Variants in FSHR observed in about 807,000 individuals in gnomAD.
FSHR encodes the protein follicle-stimulating hormone receptor.
In FSHR, 46 loss-of-function variants were observed where a neutral mutation model predicts 52.1. That is an observed-to-expected ratio of 0.88 (90% CI 0.70 to 1.13). FSHR has a LOEUF of 1.13. FSHR is among the 50% of genes most tolerant of loss of function. The probability of loss-of-function intolerance (pLI) is 0.00; values close to 1 mark genes in which losing one functional copy is unlikely to be tolerated. For missense variants in FSHR, 964 were observed against 834.6 expected (o/e 1.16, Z -1.91); for synonymous variants, 399 against 309.6 (o/e 1.29, Z -3.03).
At chr2:49,055,372 C>T (rs1273673776) in intron 2 of FSHR, among the ~76,000 whole-genome samples, 1 of 150,592 alleles carries the variant, frequency 6.6e-6, no homozygotes, top group Non-Finnish European at 1.5e-5. Flanking sequence ...AGAAAGTCTA[C>T]AAAATTTATG....
chr2:49,151,637 C>A (rs980542624), intron 1 of FSHR, among the ~76,000 whole-genome samples: 1 of 152,102 alleles, frequency 6.6e-6, no homozygotes, highest in Non-Finnish European at 1.5e-5. Flanking sequence ...AACAATGAAG[C>A]TTTGACATGT....
At chr2:48,968,907 A>C (rs747683647) in intron 8 of FSHR, 24 bp from the exon 9 acceptor site, 1 of 1,606,836 alleles carries the variant, frequency 6.2e-7, no homozygotes, top group Non-Finnish European at 8.5e-7. Flanking sequence ...AGGTAAATAT[A>C]ACAGGATTAC....
intron 2 of FSHR, among the ~76,000 whole-genome samples, chr2:49,057,150 CA>C (rs1360847843): frequency 6.6e-6 from 1 of 151,612 alleles, no homozygotes; most frequent in African/African-American, 2.4e-5. Flanking sequence ...TAGTAGAAGA[CA>C]AAAATAATAA....
At chr2:49,084,333 C>T (rs201861623) in intron 1 of FSHR, among the ~76,000 whole-genome samples, 44,985 of 151,362 alleles carry the variant, frequency 0.3, 6,985 homozygotes, top group East Asian at 0.5. Flanking sequence ...ATCTCTGGGA[C>T]GCATTCAAAG....
chr2:49,142,178 A>G (rs928130143), intron 1 of FSHR, among the ~76,000 whole-genome samples: 6 of 152,220 alleles, frequency 3.9e-5, no homozygotes, highest in African/African-American at 7.2e-5. Flanking sequence ...AATCTTTGCC[A>G]TCATTCAACT....
chr2:49,008,996 T>A (rs1667171138), intron 4 of FSHR, among the ~76,000 whole-genome samples: 1 of 151,562 alleles, frequency 6.6e-6, no homozygotes, highest in South Asian at 2.1e-4. Flanking sequence ...CCTCTGATGG[T>A]AGTTTCTTTT....
In FSHR at chr2:49,108,988, A is replaced by G. The variant is rs187882411; in HGVS notation, c.153-40698T>C. Among the ~76,000 whole-genome samples, 314 of 152,304 alleles carry G rather than the reference A, an allele frequency of 2.1e-3. 1 individual carries two copies. Among genetic ancestry groups the G allele is most frequent in the African/African-American group, 7.0e-3 (292 of 41,582 alleles). On this transcript the variant is annotated intron_variant, in intron 1 of 9. Coordinates refer to ENST00000406846, the MANE Select transcript of FSHR (RefSeq NM_000145.4). ...TAGTTCAGAAAAGCAGATGGCATTA[A>G]GCACGCCTGCTGGGCTTAAAATGTC... is the stretch of plus-strand genomic sequence containing the variant.
At chr2:49,096,947 T>A (rs1210071346) in intron 1 of FSHR, among the ~76,000 whole-genome samples, 1 of 152,144 alleles carries the variant, frequency 6.6e-6, no homozygotes, top group Non-Finnish European at 1.5e-5. Flanking sequence ...TGATTATAAG[T>A]TTCCCAAGGT....
At chr2:49,005,371 GC>G (rs1667042465) in intron 4 of FSHR, among the ~76,000 whole-genome samples, 1 of 152,120 alleles carries the variant, frequency 6.6e-6, no homozygotes, top group Non-Finnish European at 1.5e-5. Flanking sequence ...AGTTGGCTCT[GC>G]CAGGCAGATT....
intron 1 of FSHR, among the ~76,000 whole-genome samples, chr2:49,107,344 T>C (rs1401173397): frequency 6.6e-6 from 1 of 152,144 alleles, no homozygotes; most frequent in Non-Finnish European, 1.5e-5. Context: ...GCCTCAGACC[T>C]GCTTAGGCTC....
intron 1 of FSHR, among the ~76,000 whole-genome samples, chr2:49,111,640 T>G (rs1204093774): frequency 1.3e-5 from 2 of 152,154 alleles, no homozygotes; most frequent in African/African-American, 2.4e-5. Flanking sequence ...GGCGGGTTTA[T>G]TGATTGAGAT....
chr2:49,122,248 C>G (rs1278931326), intron 1 of FSHR, among the ~76,000 whole-genome samples: 1 of 152,152 alleles, frequency 6.6e-6, no homozygotes, highest in African/African-American at 2.4e-5. Flanking sequence ...CAGACCTACA[C>G]GGGCATATTC....
intron 2 of FSHR, among the ~76,000 whole-genome samples, chr2:49,034,174 A>G (rs183213625): frequency 1.3e-5 from 2 of 152,142 alleles, no homozygotes; most frequent in African/African-American, 4.8e-5. Flanking sequence ...TCTGCCTGCC[A>G]CTCCCTTCCT....
At chr2:49,144,364 C>T (rs757208064) in intron 1 of FSHR, among the ~76,000 whole-genome samples, 1 of 152,116 alleles carries the variant, frequency 6.6e-6, no homozygotes, top group Non-Finnish European at 1.5e-5. Flanking sequence ...TTGTAATTTT[C>T]CTATCTGACT....
intron 2 of FSHR, among the ~76,000 whole-genome samples, chr2:49,033,741 C>T (rs114491125): frequency 1.3e-5 from 2 of 152,076 alleles, no homozygotes; most frequent in Non-Finnish European, 2.9e-5. Context: ...AAATCATTTA[C>T]CCCCAAGTGC....
chr2:49,020,035 A>G, intron 3 of FSHR, 51 bp downstream of exon 3: 1 of 1,467,920 alleles, frequency 6.8e-7, no homozygotes, highest in Non-Finnish European at 9.6e-7. Context: ...AAGAACTTTA[A>G]GGGTTTTTTC....
At chr2:49,115,696 A>G (rs1362565335) in intron 1 of FSHR, among the ~76,000 whole-genome samples, 9 of 152,182 alleles carry the variant, frequency 5.9e-5, no homozygotes, top group Admixed American at 5.2e-4. Context: ...GTCATGATCT[A>G]CTGGCTCTGT....
intron 4 of FSHR, chr2:49,014,810 C>A (rs1278504889): frequency 4.6e-6 from 2 of 434,414 alleles, no homozygotes; most frequent in Admixed American, 3.0e-5. Context: ...TTTGCATTAG[C>A]CATATGTGAT....
intron 2 of FSHR, among the ~76,000 whole-genome samples, chr2:49,024,297 G>T: frequency 6.6e-6 from 1 of 151,992 alleles, no homozygotes. Context: ...AATAAGGGCC[G>T]GGTACAGTGG....
Sources: allele counts gnomAD v4.1 joint callset (sites outside exome capture counted in the v4.1 genomes callset), GRCh38; gene constraint gnomAD v4.1.1; transcripts MANE v1.5; gene names NCBI Gene and HGNC (gene_info 2026-07-23, HGNC 2026-07-21).